The following VPS37A variants were observed in gnomAD, a reference collection of about 807,000 sequenced individuals.
The protein encoded by VPS37A is vacuolar protein sorting-associated protein 37A.
In VPS37A, 30 loss-of-function variants were observed where a neutral mutation model predicts 49.8. The observed-to-expected ratio is 0.60, with a 90% confidence interval of 0.45 to 0.82. The LOEUF is 0.82. Among genes scored for constraint, VPS37A ranks in the 40% least tolerant of loss-of-function variants. The pLI, the probability that VPS37A is intolerant of heterozygous loss-of-function variation, is 0.00. For missense variants in VPS37A, 593 were observed against 464.4 expected, an observed-to-expected ratio of 1.28 and a Z score of -2.55; for synonymous variants, 195 against 160.6, an observed-to-expected ratio of 1.21 and a Z score of -1.62.
rs1008909712 is a variant in VPS37A at position 17,247,192 on chromosome 8, G to A, written c.-53G>A. 3 of 1,553,476 alleles carry A rather than the reference G, an allele frequency of 1.9e-6. No homozygotes were observed. Among genetic ancestry groups the A allele is most frequent in the Non-Finnish European group, 2.6e-6 (3 of 1,148,824 alleles). On this transcript the variant is annotated 5_prime_UTR_variant, in exon 1 of 12. Coordinates refer to ENST00000324849, the MANE Select transcript of VPS37A (RefSeq NM_152415.3). ...TGGAGAACCGCCGGGCCGAGCCACT[G>A]GGAGAAGCAGGCCAGAGCCTTCCAG...
At chr8:17,267,888 A>G (rs1813616914) in intron 2 of VPS37A, among the ~76,000 whole-genome samples, 1 of 152,172 alleles carries the variant, frequency 6.6e-6, no homozygotes, top group Non-Finnish European at 1.5e-5. Context: ...CTGTGGTCCA[A>G]TAAATAGCCA....
At chr8:17,326,334 T>C in the VPS37A span, 1 of 152,234 alleles carries the variant, frequency 6.6e-6, no homozygotes, top group East Asian at 1.9e-4. Flanking sequence ...CAATGAGGTT[T>C]ACTTGAGTAA....
At chr8:17,304,546 A>T, downstream of VPS37A, 1 of 1,604,206 alleles carries the variant, frequency 6.2e-7, no homozygotes, top group Middle Eastern at 1.8e-4. Context: ...AAGTCTATAA[A>T]TGACCTATTT....
At chr8:17,281,567 C>T (rs1815055282) in intron 9 of VPS37A, among the ~76,000 whole-genome samples, 1 of 151,892 alleles carries the variant, frequency 6.6e-6, no homozygotes, top group African/African-American at 2.4e-5. Flanking sequence ...TCTAGGATCC[C>T]ATTAATGTTA....
intron 11 of VPS37A, among the ~76,000 whole-genome samples, chr8:17,288,619 A>G (rs2150420355): frequency 6.6e-6 from 1 of 152,238 alleles, no homozygotes; most frequent in Admixed American, 6.5e-5. Flanking sequence ...CCATTCTATC[A>G]TTGATGAGCA....
chr8:17,258,695 T>C (rs1397481281), intron 1 of VPS37A, among the ~76,000 whole-genome samples: 2 of 152,120 alleles, frequency 1.3e-5, no homozygotes, highest in African/African-American at 4.8e-5. Context: ...AGAATTGTTA[T>C]TAGTTCTTTA....
chr8:17,311,442 G>C, the VPS37A span: 1 of 1,600,730 alleles, frequency 6.2e-7, no homozygotes, highest in Non-Finnish European at 8.5e-7. Context: ...GTTGCCAGTA[G>C]TTGTAAAAAC....
chr8:17,270,275 T>C (rs1251299494), intron 4 of VPS37A, among the ~76,000 whole-genome samples: 1 of 152,196 alleles, frequency 6.6e-6, no homozygotes, highest in Admixed American at 6.5e-5. Context: ...TAAAAACTTT[T>C]GGTTGAAATA....
intron 9 of VPS37A, among the ~76,000 whole-genome samples, chr8:17,280,829 A>T (rs1814988992): frequency 6.6e-6 from 1 of 151,996 alleles, no homozygotes; most frequent in Non-Finnish European, 1.5e-5. Flanking sequence ...TATGAAAAAT[A>T]TATAGTATTA....
chr8:17,324,304 A>C, the VPS37A span, among the ~76,000 whole-genome samples: 10 of 152,156 alleles, frequency 6.6e-5, no homozygotes, highest in African/African-American at 2.4e-4. Context: ...CCTGTGTGTT[A>C]AGTACTTACT....
At chr8:17,274,685 G>C in intron 4 of VPS37A, 48 bp from the exon 5 acceptor site, 1 of 1,482,532 alleles carries the variant, frequency 6.7e-7, no homozygotes, top group Non-Finnish European at 9.3e-7. Flanking sequence ...AATTTGACAT[G>C]TTTTATCCAT....
downstream of VPS37A, chr8:17,299,142 A>G (rs1271607384): frequency 6.6e-6 from 1 of 152,240 alleles, no homozygotes; most frequent in East Asian, 1.9e-4. Context: ...GACCAGGAGA[A>G]TGAATGTTGC....
chr8:17,284,397 C>A, intron 9 of VPS37A, 76 bp from the exon 10 acceptor site: 1 of 1,485,596 alleles, frequency 6.7e-7, no homozygotes, highest in Non-Finnish European at 8.9e-7. Context: ...CTCCATACCA[C>A]TACCTTACTT....
chr8:17,300,350 ATG>A (rs1381628605), downstream of VPS37A: 3 of 1,064,558 alleles, frequency 2.8e-6, no homozygotes, highest in Non-Finnish European at 3.9e-6. Flanking sequence ...ACTCAGAGGG[ATG>A]TGAGTTCAAA....
chr8:17,323,911 A>C, the VPS37A span, among the ~76,000 whole-genome samples: 1 of 152,232 alleles, frequency 6.6e-6, no homozygotes, highest in Non-Finnish European at 1.5e-5. Context: ...TAACAGAACA[A>C]TAATTCTGAA....
chr8:17,332,222 GA>G, the VPS37A span, among the ~76,000 whole-genome samples: 31,293 of 151,902 alleles, frequency 0.21, 5,590 homozygotes, highest in African/African-American at 0.49. Flanking sequence ...CTCACCACCA[GA>G]AAAAAATATC....
At chr8:17,263,135 G>C (rs930293164) in intron 1 of VPS37A, among the ~76,000 whole-genome samples, 2 of 151,834 alleles carry the variant, frequency 1.3e-5, no homozygotes, top group Non-Finnish European at 2.9e-5. Context: ...TGAGAAAAGA[G>C]TAACTTACAA....
downstream of VPS37A, chr8:17,305,930 T>C: frequency 6.2e-7 from 1 of 1,613,510 alleles, no homozygotes; most frequent in Non-Finnish European, 8.5e-7. Context: ...GAGAGATTTC[T>C]TTTGGGTCAC....
intron 9 of VPS37A, among the ~76,000 whole-genome samples, chr8:17,282,549 T>TA (rs1192309798): frequency 6.6e-6 from 1 of 151,978 alleles, no homozygotes; most frequent in Non-Finnish European, 1.5e-5. Flanking sequence ...AAATTGAAGT[T>TA]AAAAAAAGGG....
Sources: allele counts gnomAD v4.1 joint callset (sites outside exome capture counted in the v4.1 genomes callset), GRCh38; gene constraint gnomAD v4.1.1; transcripts MANE v1.5; gene names NCBI Gene and HGNC (gene_info 2026-07-23, HGNC 2026-07-21).